FAM210A: variants seen among roughly 807,000 people sequenced by gnomAD.
FAM210A encodes the protein family with sequence similarity 210 member A.
A neutral mutation model predicts 25.3 loss-of-function variants in FAM210A; 13 were observed. The ratio of observed to expected loss-of-function variants is 0.51; its 90% CI spans 0.33 to 0.82. FAM210A has a LOEUF of 0.82. FAM210A is among the 40% of genes least tolerant of loss of function. The pLI is 0.02. For synonymous variants in FAM210A, 125 were observed against 118.7 expected, an observed-to-expected ratio of 1.05 and a Z score of -0.35; for missense variants, 319 against 323.2, an observed-to-expected ratio of 0.99 and a Z score of 0.10.
Position 13,666,093 on chromosome 18 carries a change from A to G in FAM210A, c.*387T>C, listed in dbSNP as rs1446096282. 1 of 170,806 alleles carries G rather than the reference A, an allele frequency of 5.9e-6. No individual in the cohort carries two copies. Among genetic ancestry groups the G allele is most frequent in the Non-Finnish European group, 1.3e-5 (1 of 78,700 alleles). 10.6% of individuals were successfully genotyped at this position (170,806 alleles called of 1,614,324 possible). On this transcript the variant is annotated 3_prime_UTR_variant, in exon 4 of 4. Transcript: ENST00000651643. Reference sequence around the variant, plus strand: ...ATCTTAATGAATAACATAAAAATTAAGATCCGGTATTAACAGACTATTTTA... The same window carrying G: ...ATCTTAATGAATAACATAAAAATTAGGATCCGGTATTAACAGACTATTTTA...
chr18:13,701,108 G>A (rs1426218089), intron 1 of FAM210A, among the ~76,000 whole-genome samples: 1 of 152,130 alleles, frequency 6.6e-6, no homozygotes, highest in Non-Finnish European at 1.5e-5. Flanking sequence ...GTCAGAAGTG[G>A]GATCTGAAAT....
At chr18:13,670,620 G>A (rs1331282033) in intron 3 of FAM210A, among the ~76,000 whole-genome samples, 2 of 152,164 alleles carry the variant, frequency 1.3e-5, no homozygotes, top group African/African-American at 2.4e-5. Flanking sequence ...TAGAAAATGA[G>A]ATTAATATGG....
At chr18:13,692,607 A>C (rs1481950486) in intron 1 of FAM210A, among the ~76,000 whole-genome samples, 1 of 152,230 alleles carries the variant, frequency 6.6e-6, no homozygotes, top group Admixed American at 6.5e-5. Flanking sequence ...AACTCACTCA[A>C]AACTGCTCAA....
chr18:13,714,740 T>C (rs1219948796), intron 1 of FAM210A, among the ~76,000 whole-genome samples: 1 of 152,206 alleles, frequency 6.6e-6, no homozygotes, highest in African/African-American at 2.4e-5. Flanking sequence ...TTTTGCATTC[T>C]TTACCATCAC....
chr18:13,702,131 C>A (rs1395134236), intron 1 of FAM210A, among the ~76,000 whole-genome samples: 4 of 152,162 alleles, frequency 2.6e-5, no homozygotes, highest in South Asian at 2.1e-4. Context: ...GGTCACAGGG[C>A]CACTCAGAGG....
At chr18:13,697,896 T>C (rs770396948) in intron 1 of FAM210A, among the ~76,000 whole-genome samples, 3 of 152,122 alleles carry the variant, frequency 2.0e-5, no homozygotes, top group African/African-American at 7.2e-5. Flanking sequence ...TAATGTGCTA[T>C]TAAGCCATGA....
At chr18:13,701,451 T>C (rs1193476823) in intron 1 of FAM210A, among the ~76,000 whole-genome samples, 1 of 151,440 alleles carries the variant, frequency 6.6e-6, no homozygotes, top group Non-Finnish European at 1.5e-5. Flanking sequence ...TTGTAAAATT[T>C]GGCTTTTAAA....
At position 13,664,022 on chromosome 18, in the gene FAM210A, T is replaced by C. The variant is rs2043380856; in HGVS notation, c.*2458A>G. On this transcript the variant is annotated 3_prime_UTR_variant, in exon 4 of 4. Coordinates refer to ENST00000651643, the MANE Select transcript of FAM210A (RefSeq NM_152352.4). ...TTGGCATATTGGTACTGTATTCTGTTAGCCTGCTATTAATACTCCAAACTC... is the reference window on the plus strand; with the variant it reads ...TTGGCATATTGGTACTGTATTCTGTCAGCCTGCTATTAATACTCCAAACTC... 2.0e-5 allele frequency: 3 copies of C among 152,218 alleles called. No individual in the cohort carries two copies. Among genetic ancestry groups the C allele is most frequent in the Admixed American group, 2.0e-4 (3 of 15,284 alleles). 9.4% of individuals were successfully genotyped at this position (152,218 alleles called of 1,614,324 possible). A position where few individuals can be genotyped will look rare whatever the true frequency, so the allele number is the denominator to read the frequency against.
chr18:13,670,939 T>G (rs770884457), intron 3 of FAM210A: 2 of 152,666 alleles, frequency 1.3e-5, no homozygotes, highest in Non-Finnish European at 2.9e-5. Flanking sequence ...GAGGTTGCGG[T>G]GAGCCGAGAT....
At chr18:13,708,135 C>T (rs974264520) in intron 1 of FAM210A, among the ~76,000 whole-genome samples, 5 of 152,204 alleles carry the variant, frequency 3.3e-5, no homozygotes, top group African/African-American at 7.2e-5. Flanking sequence ...TATTGCTTGT[C>T]GCCTTGCAAT....
intron 3 of FAM210A, among the ~76,000 whole-genome samples, chr18:13,667,863 A>G (rs1466555462): frequency 1.3e-5 from 2 of 152,220 alleles, no homozygotes; most frequent in East Asian, 3.9e-4. Context: ...AGACCCTGCC[A>G]TCTCTTAAAA....
chr18:13,692,079 C>CA (rs137984372), intron 1 of FAM210A, among the ~76,000 whole-genome samples: 3 of 147,974 alleles, frequency 2.0e-5, no homozygotes, highest in Non-Finnish European at 3.0e-5. Flanking sequence ...AAATGGAAAA[C>CA]AAAAAAAAAG....
intron 2 of FAM210A, among the ~76,000 whole-genome samples, chr18:13,677,609 C>T (rs1449376369): frequency 1.3e-5 from 2 of 152,132 alleles, no homozygotes; most frequent in African/African-American, 4.8e-5. Context: ...GGTGTGGCGC[C>T]GGGCTGTCTG....
At chr18:13,723,842 G>A (rs1385068752) in intron 1 of FAM210A, among the ~76,000 whole-genome samples, 1 of 152,148 alleles carries the variant, frequency 6.6e-6, no homozygotes, top group Non-Finnish European at 1.5e-5. Context: ...ATTTGTTCCA[G>A]AAAGACAATG....
chr18:13,688,877 G>A (rs1013287596), intron 1 of FAM210A, among the ~76,000 whole-genome samples: 27 of 152,220 alleles, frequency 1.8e-4, no homozygotes, highest in African/African-American at 6.5e-4. Context: ...ACTTGCCTGC[G>A]TGCTTTCTCC....
chr18:13,708,829 T>C (rs1361116869), intron 1 of FAM210A, among the ~76,000 whole-genome samples: 1 of 146,488 alleles, frequency 6.8e-6, no homozygotes, highest in African/African-American at 2.4e-5. Flanking sequence ...CCCTGTCCTT[T>C]TCCTAGTTCA....
intron 1 of FAM210A, among the ~76,000 whole-genome samples, chr18:13,708,425 G>A (rs1039515528): frequency 6.6e-6 from 1 of 152,192 alleles, no homozygotes; most frequent in Non-Finnish European, 1.5e-5. Flanking sequence ...TTTCCTGGAG[G>A]ATGGTGGGGT....
At chr18:13,697,736 C>CTTA (rs2043706225) in intron 1 of FAM210A, 1 of 146,928 alleles carries the variant, frequency 6.8e-6, no homozygotes, top group South Asian at 2.2e-4. Flanking sequence ...CCCACCTGAA[C>CTTA]TGAAAACTTA....
At chr18:13,687,272 G>A (rs944950672) in intron 1 of FAM210A, among the ~76,000 whole-genome samples, 2 of 152,128 alleles carry the variant, frequency 1.3e-5, no homozygotes, top group Non-Finnish European at 2.9e-5. Flanking sequence ...GTATGGCGGG[G>A]GCAGGAGAGG....
Sources: allele counts gnomAD v4.1 joint callset (sites outside exome capture counted in the v4.1 genomes callset), GRCh38; gene constraint gnomAD v4.1.1; transcripts MANE v1.5; gene names NCBI Gene and HGNC (gene_info 2026-07-23, HGNC 2026-07-21).